PCDH9: variants seen among roughly 807,000 people sequenced by gnomAD.
PCDH9 encodes protocadherin 9.
PCDH9 carries 24 observed loss-of-function variants against 70.6 expected under a neutral mutation model. The observed-to-expected ratio is 0.34, with a 90% CI of 0.25 to 0.48. PCDH9 has a LOEUF of 0.48. Ranked by LOEUF, PCDH9 falls within the 20% of genes least tolerant of loss-of-function variation. The pLI, the probability that PCDH9 is intolerant of heterozygous loss-of-function variation, is 0.99. For synonymous variants in PCDH9, 562 were observed against 558.5 expected, an observed-to-expected ratio of 1.01 and a Z score of -0.09; for missense variants, 1,281 against 1,503.6, an observed-to-expected ratio of 0.85 and a Z score of 2.45.
At chr13:66,718,300 G>A (rs2078897301) in intron 3 of PCDH9, among the ~76,000 whole-genome samples, 1 of 152,122 alleles carries the variant, frequency 6.6e-6, no homozygotes, top group African/African-American at 2.4e-5. Context: ...TTTTGTATAT[G>A]TTGTGTTACT....
chr13:67,134,018 A>G (rs1159973870), intron 2 of PCDH9, among the ~76,000 whole-genome samples: 2 of 152,090 alleles, frequency 1.3e-5, no homozygotes, highest in Admixed American at 1.3e-4. Flanking sequence ...ACTCAAAATC[A>G]ATAGCATTTT....
intron 2 of PCDH9, among the ~76,000 whole-genome samples, chr13:66,932,831 T>C (rs1264967320): frequency 2.0e-5 from 3 of 151,004 alleles, no homozygotes; most frequent in African/African-American, 7.3e-5. Flanking sequence ...AGGGTAAAAA[T>C]ATGTTCGCTA....
intron 2 of PCDH9, among the ~76,000 whole-genome samples, chr13:67,195,144 T>C (rs964528088): frequency 2.1e-4 from 31 of 150,888 alleles, no homozygotes; most frequent in Non-Finnish European, 3.8e-4. Context: ...ATTATTTTCA[T>C]ACTTTCTTTT....
chr13:67,189,394 A>G (rs946641100), intron 2 of PCDH9, among the ~76,000 whole-genome samples: 1 of 152,076 alleles, frequency 6.6e-6, no homozygotes, highest in Non-Finnish European at 1.5e-5. Flanking sequence ...AGTACTGTCC[A>G]TTAAACACAG....
intron 4 of PCDH9, among the ~76,000 whole-genome samples, chr13:66,364,400 T>C (rs1264127355): frequency 6.6e-6 from 1 of 152,198 alleles, no homozygotes; most frequent in Non-Finnish European, 1.5e-5. Flanking sequence ...TTGCAAGTCC[T>C]TCATCATTGG....
intron 4 of PCDH9, among the ~76,000 whole-genome samples, chr13:66,487,343 CAT>C (rs1334989902): frequency 7.9e-5 from 12 of 152,110 alleles, no homozygotes; most frequent in African/African-American, 2.9e-4. Flanking sequence ...AGTCTGTACA[CAT>C]GTTATCTAGG....
At chr13:67,142,135 AT>A (rs2087408305) in intron 2 of PCDH9, among the ~76,000 whole-genome samples, 1 of 152,182 alleles carries the variant, frequency 6.6e-6, no homozygotes, top group Admixed American at 6.5e-5. Flanking sequence ...GAATATGCTC[AT>A]TTAGATTAAG....
chr13:66,992,844 T>C (rs2084031272), intron 2 of PCDH9, among the ~76,000 whole-genome samples: 1 of 151,772 alleles, frequency 6.6e-6, no homozygotes, highest in South Asian at 2.1e-4. Flanking sequence ...TTGTCTTTAT[T>C]AGCATGTAAA....
At chr13:66,588,937 A>G (rs1053581051) in intron 4 of PCDH9, among the ~76,000 whole-genome samples, 4 of 151,968 alleles carry the variant, frequency 2.6e-5, no homozygotes, top group Admixed American at 6.6e-5. Flanking sequence ...AAAAAAGTGA[A>G]GTTTTAAGTT....
chr13:66,687,396 A>AT (rs1261261234), intron 3 of PCDH9, among the ~76,000 whole-genome samples: 1 of 151,812 alleles, frequency 6.6e-6, no homozygotes, highest in African/African-American at 2.4e-5. Context: ...GTGTCACAGT[A>AT]TTTTTTTCTT....
chr13:67,188,422 T>A (rs533175828), intron 2 of PCDH9, among the ~76,000 whole-genome samples: 45 of 152,234 alleles, frequency 3.0e-4, no homozygotes, highest in African/African-American at 1.0e-3. Flanking sequence ...ATTTATGAAA[T>A]CATAGAAAAT....
chr13:66,633,196 T>C (rs1431606475), intron 3 of PCDH9, among the ~76,000 whole-genome samples: 1 of 152,158 alleles, frequency 6.6e-6, no homozygotes, highest in East Asian at 1.9e-4. Context: ...GATGCCAACA[T>C]CACAAAAACT....
Position 67,227,348 on chromosome 13 carries a change from T to C in PCDH9, c.1093A>G (p.Ser365Gly), listed in dbSNP as rs922738099. Reference sequence around the variant, plus strand: ...AAATACACGGTGCCATTGATGGGACTTATAATGTACCTGAGGTCTATATTA... The same window carrying C: ...AAATACACGGTGCCATTGATGGGACCTATAATGTACCTGAGGTCTATATTA... Reference protein sequence around the residue: ...PPNIDLRYIISPINGTVYLSE... With the variant: ...PPNIDLRYIIGPINGTVYLSE... The change falls in exon 2 of 5, where the codon AGT (serine) becomes GGT (glycine). Residue 365 changes from serine (S) to glycine (G), a missense_variant. Physicochemically the swap from Ser to Gly is moderately conservative, Grantham distance 56 (BLOSUM62 0). Coordinates refer to ENST00000377865, the MANE Select transcript of PCDH9 (RefSeq NM_203487.3). The surrounding 1 kb of genome is among the most constrained non-coding windows in gnomAD (Gnocchi z 4.6). 1.2e-6 allele frequency: 2 copies of C among 1,614,024 alleles called. No individual in the cohort carries two copies. Among genetic ancestry groups the C allele is most frequent in the Admixed American group, 1.7e-5 (1 of 60,024 alleles).
At chr13:66,982,448 G>A (rs752273961) in intron 2 of PCDH9, among the ~76,000 whole-genome samples, 4 of 152,248 alleles carry the variant, frequency 2.6e-5, no homozygotes, top group Middle Eastern at 6.8e-3. Flanking sequence ...TGTAAAAGTA[G>A]GCATAGGCAA....
rs78248337 is a variant in PCDH9 at position 66,607,253 on chromosome 13, G to GT, written c.3340+23956dup. Among the ~76,000 whole-genome samples the GT allele has an allele frequency of 8.9e-4, 136 of 152,150 alleles. 1 individual carries two copies. The East Asian group carries it at 0.015, about 17-fold the overall frequency. ...CAATTATTCTCAAATTCAAGCTTCA[G>GT]TTTTTTCATGTGAAAATGATATGTA... On this transcript the variant is annotated intron_variant, in intron 4 of 4. Transcript: ENST00000377865.
chr13:66,335,959 A>G (rs1427478499), intron 4 of PCDH9, among the ~76,000 whole-genome samples: 1 of 152,126 alleles, frequency 6.6e-6, no homozygotes, highest in African/African-American at 2.4e-5. Flanking sequence ...GGCAGAGCAC[A>G]CACTGGAAAA....
At chr13:66,776,502 C>T (rs2079896149) in intron 3 of PCDH9, among the ~76,000 whole-genome samples, 1 of 151,070 alleles carries the variant, frequency 6.6e-6, no homozygotes, top group Non-Finnish European at 1.5e-5. Flanking sequence ...AATAGAGAGC[C>T]AAATCATGAG....
At chr13:66,586,636 A>G (rs932162904) in intron 4 of PCDH9, among the ~76,000 whole-genome samples, 1 of 152,138 alleles carries the variant, frequency 6.6e-6, no homozygotes, top group African/African-American at 2.4e-5. Context: ...TTGTTAACAC[A>G]TAATTGGCCC....
At chr13:66,865,702 C>T (rs910930635) in intron 3 of PCDH9, among the ~76,000 whole-genome samples, 1 of 152,176 alleles carries the variant, frequency 6.6e-6, no homozygotes, top group Non-Finnish European at 1.5e-5. Flanking sequence ...CCGCTTCCTT[C>T]GCACTGTCCT....
Sources: allele counts gnomAD v4.1 joint callset (sites outside exome capture counted in the v4.1 genomes callset), GRCh38; gene constraint gnomAD v4.1.1; non-coding constraint Gnocchi (gnomAD v3.1); transcripts MANE v1.5; gene names NCBI Gene and HGNC (gene_info 2026-07-23, HGNC 2026-07-21).